HACL1: variants seen among roughly 807,000 people sequenced by gnomAD.
HACL1 encodes the protein 1600020H07Rik.
HACL1 carries 64 observed loss-of-function variants against 74.2 expected under a neutral mutation model. That is an observed-to-expected ratio of 0.86 (90% CI 0.70 to 1.06). HACL1 has a LOEUF of 1.06. Ranked by LOEUF, HACL1 falls within the 50% of genes least tolerant of loss-of-function variation. The pLI is 0.00. For missense variants in HACL1, 728 were observed against 719.7 expected (o/e 1.01, Z -0.13); for synonymous variants, 230 against 238.8 (o/e 0.96, Z 0.34).
At chr3:15,561,217 G>A (rs2063341668) in intron 16 of HACL1, among the ~76,000 whole-genome samples, 1 of 152,232 alleles carries the variant, frequency 6.6e-6, no homozygotes, top group Admixed American at 6.5e-5. Context: ...AGAGGGCTGA[G>A]CTCCCAGGTC....
At chr3:15,589,020 T>C (rs979495802) in intron 5 of HACL1, among the ~76,000 whole-genome samples, 1 of 152,234 alleles carries the variant, frequency 6.6e-6, no homozygotes, top group African/African-American at 2.4e-5. Context: ...AAAGCTTGTT[T>C]CTAAGCAGGG....
chr3:15,572,387 C>G (rs2063550907), intron 11 of HACL1, among the ~76,000 whole-genome samples: 1 of 152,114 alleles, frequency 6.6e-6, no homozygotes, highest in Non-Finnish European at 1.5e-5. Context: ...TGGGTTTCTG[C>G]CAGATGCTGG....
chr3:15,601,143 T>C lies in HACL1; in HGVS notation c.133A>G (p.Ile45Val). ...IVGIPVTEIAIAAQQLGIKYI... is the reference protein window; with the variant it reads ...IVGIPVTEIAVAAQQLGIKYI... ...TTGATGCCTAGCTGCTGGGCAGCAA[T>C]GGCGATTTCGGTCACTGGGATGCCT... Residue 45 changes from isoleucine (I) to valine (V), a missense_variant, in exon 2 of 17, where the codon ATT becomes GTT. Coordinates refer to ENST00000321169, the MANE Select transcript of HACL1 (RefSeq NM_012260.4). 2.5e-6 allele frequency: 4 copies of C among 1,614,048 alleles called. No individual in the cohort carries two copies. Among genetic ancestry groups the C allele is most frequent in the Middle Eastern group, 1.7e-4 (1 of 6,060 alleles).
intron 3 of HACL1, among the ~76,000 whole-genome samples, chr3:15,594,365 C>T (rs113126232): frequency 1.4e-3 from 216 of 152,254 alleles, no homozygotes; most frequent in African/African-American, 5.1e-3. Context: ...GAGATGGTGC[C>T]ACTGCACTCC....
intron 9 of HACL1, 24 bp from the exon 10 acceptor site, chr3:15,575,106 G>C (rs760551182): frequency 9.2e-7 from 1 of 1,089,280 alleles, no homozygotes; most frequent in Admixed American, 1.7e-5. Flanking sequence ...TGATATGAAA[G>C]TATAACTACA....
chr3:15,576,374 C>T (rs1019118304), intron 9 of HACL1, among the ~76,000 whole-genome samples: 1 of 152,040 alleles, frequency 6.6e-6, no homozygotes, highest in African/African-American at 2.4e-5. Context: ...ATTTTTAAGA[C>T]TATTGATTCA....
chr3:15,592,188 ATACG>A (rs1245416919), intron 3 of HACL1, among the ~76,000 whole-genome samples: 1 of 150,286 alleles, frequency 6.7e-6, no homozygotes, highest in African/African-American at 2.4e-5. Context: ...ATATGTATAC[ATACG>A]TATATATGTA....
intron 2 of HACL1, among the ~76,000 whole-genome samples, chr3:15,599,428 C>T (rs2064135288): frequency 6.6e-6 from 1 of 151,944 alleles, no homozygotes; most frequent in South Asian, 2.1e-4. Flanking sequence ...AACCATGCCT[C>T]GCATCATCTT....
In HACL1 at chr3:15,560,834, A is replaced by T; in HGVS notation, c.*31T>A. 6.6e-7 allele frequency: 1 copy of T among 1,520,316 alleles called. No individual in the cohort carries two copies. The highest frequency in any genetic ancestry group is 9.1e-7 in the Non-Finnish European group (1 of 1,103,504). The allele number at this position is 1,520,316 out of a possible 1,614,324, so 94.2% of individuals were successfully genotyped here. A position where few individuals can be genotyped will look rare whatever the true frequency, so the allele number is the denominator to read the frequency against. On this transcript the variant is annotated 3_prime_UTR_variant, in exon 17 of 17. Transcript: ENST00000321169. Reference sequence around the variant, plus strand: ...TAAAATTTCATCTTGCAAGAAAGAGAAAACTCAAGACCACCAACTGGCGTC... The same window carrying T: ...TAAAATTTCATCTTGCAAGAAAGAGTAAACTCAAGACCACCAACTGGCGTC...
At position 15,589,563 on chromosome 3, in the gene HACL1, C is replaced by G. The variant is rs755772544; in HGVS notation, c.358G>C (p.Gly120Arg). 1 of 1,609,938 alleles carries G rather than the reference C, an allele frequency of 6.2e-7. No individual in the cohort carries two copies. The change falls in exon 5 of 17, where the codon GGA becomes CGA. Residue 120 changes from glycine to arginine, a missense_variant. Physicochemically the swap from Gly to Arg is moderately radical, Grantham distance 125 (BLOSUM62 -2). Coordinates refer to ENST00000321169, the MANE Select transcript of HACL1 (RefSeq NM_012260.4). ...ACCTGAGGAAACTCCTGGAAAGCTCCCATTGTTTCTTGGTTTCTTTCAGAG... is the reference window on the plus strand; with the variant it reads ...ACCTGAGGAAACTCCTGGAAAGCTCGCATTGTTTCTTGGTTTCTTTCAGAG... ...GSSERNQETM[G>R]AFQEFPQVEA... is the part of the protein sequence containing the mutation.
At chr3:15,592,017 TAC>T (rs1237495163) in intron 3 of HACL1, among the ~76,000 whole-genome samples, 20 of 144,936 alleles carry the variant, frequency 1.4e-4, no homozygotes, top group South Asian at 4.4e-4. Context: ...TACGTATATA[TAC>T]ACACACTACA....
rs2063540019 is a variant in HACL1, at chr3:15,571,837, T to TTC, written c.994-69_994-68insGA. 1.7e-5 allele frequency: 10 copies of TTC among 575,292 alleles called. No individual in the cohort carries two copies. The Admixed American group carries it at 3.6e-4, about 21-fold the overall frequency. 35.6% of individuals were successfully genotyped at this position (575,292 alleles called of 1,614,324 possible). A position where few individuals can be genotyped will look rare whatever the true frequency, so the allele number is the denominator to read the frequency against. ...TTCTTTGCCTTTTTTTTCTTTTTTT[T>TTC]TTTTTTTTTTTTTTTTTTTTGAGAC... On this transcript the variant is annotated intron_variant, in intron 11 of 16. Coordinates refer to ENST00000321169, the MANE Select transcript of HACL1 (RefSeq NM_012260.4).
rs755252116 is a variant in HACL1 at position 15,585,265 on chromosome 3, C to G, written c.537G>C (p.Val179=). 1 of 1,564,672 alleles carries G rather than the reference C, an allele frequency of 6.4e-7. No individual in the cohort carries two copies. The highest frequency in any genetic ancestry group is 8.8e-7 in the Non-Finnish European group (1 of 1,135,050). Residue 179 remains valine, a synonymous_variant, in exon 7 of 17, where the codon GTG becomes GTC. Coordinates refer to ENST00000321169, the MANE Select transcript of HACL1 (RefSeq NM_012260.4). ...DIPADFVNLQ[V]NVNSIKYMER... Reference sequence around the variant, plus strand: ...TTACTCACTTTATAGAATTCACATTCACCTGAAGGTTCACAAAATCTGCTG... The same window carrying G: ...TTACTCACTTTATAGAATTCACATTGACCTGAAGGTTCACAAAATCTGCTG...
chr3:15,593,097 A>G (rs1317666069), intron 3 of HACL1, among the ~76,000 whole-genome samples: 2 of 140,260 alleles, frequency 1.4e-5, no homozygotes, highest in African/African-American at 3.0e-5. Flanking sequence ...ACACATATAC[A>G]TATATGTGTG....
At chr3:15,596,663 A>G (rs766431305) in intron 2 of HACL1, among the ~76,000 whole-genome samples, 2 of 152,228 alleles carry the variant, frequency 1.3e-5, no homozygotes, top group Non-Finnish European at 2.9e-5. Flanking sequence ...AATTGCTTAA[A>G]TATCTGCAGG....
At chr3:15,565,010 CA>C (rs532494686) in intron 14 of HACL1, among the ~76,000 whole-genome samples, 2 of 151,880 alleles carry the variant, frequency 1.3e-5, no homozygotes, top group African/African-American at 4.8e-5. Context: ...ACTAAAAATA[CA>C]AAAATTAGCT....
At chr3:15,598,983 A>G (rs2064125498) in intron 2 of HACL1, among the ~76,000 whole-genome samples, 2 of 152,240 alleles carry the variant, frequency 1.3e-5, no homozygotes, top group African/African-American at 4.8e-5. Context: ...CAATCAATCA[A>G]GTAAGCCCAA....
chr3:15,582,786 A>C, intron 8 of HACL1, 91 bp downstream of exon 8: 1 of 647,660 alleles, frequency 1.5e-6, no homozygotes. Context: ...AATCTCAAAC[A>C]TTAGAATAGA....
chr3:15,565,668 C>T (rs187355663), intron 14 of HACL1, among the ~76,000 whole-genome samples: 22 of 152,316 alleles, frequency 1.4e-4, no homozygotes, highest in African/African-American at 5.3e-4. Context: ...TAATTATTTG[C>T]TCTCCATGCT....
Sources: gnomAD v4.1 joint callset for allele counts (sites outside exome capture counted in the v4.1 genomes callset) on GRCh38, gnomAD v4.1.1 for gene constraint, MANE v1.5 for transcripts, NCBI Gene and HGNC (gene_info 2026-07-23, HGNC 2026-07-21) for gene names.